ZSCAN21: variants seen among roughly 807,000 people sequenced by gnomAD.
ZSCAN21 encodes the protein zinc finger and SCAN domain-containing protein 21.
ZSCAN21 carries 26 observed loss-of-function variants against 35.6 expected under a neutral mutation model. The ratio of observed to expected loss-of-function variants is 0.73; its 90% CI spans 0.54 to 1.01. The LOEUF (loss-of-function observed/expected upper bound fraction) is 1.01, where lower values mean the gene tolerates loss of function less well. Ranked by LOEUF, ZSCAN21 falls within the 50% of genes least tolerant of loss-of-function variation. The probability of loss-of-function intolerance (pLI) is 0.00; values close to 1 mark genes in which losing one functional copy is unlikely to be tolerated. For missense variants in ZSCAN21, 593 were observed against 587.1 expected (o/e 1.01, Z -0.10); for synonymous variants, 219 against 219.3 (o/e 1.00, Z 0.01).
At chr7:100,052,368 TC>T (rs1464059746) in intron 1 of ZSCAN21, among the ~76,000 whole-genome samples, 1 of 151,952 alleles carries the variant, frequency 6.6e-6, no homozygotes, top group Non-Finnish European at 1.5e-5. Context: ...GTTCAAGACT[TC>T]CGTGAGCTGT....
rs117651991 is a variant in ZSCAN21 at position 100,060,837 on chromosome 7, C to T, written c.592+2947C>T. Reference sequence around the variant, plus strand: ...ATCGCGCCACTGCACTCCAGCCTGGCGCAACAGAGTAGGACTCCGTCAAAA... The same window carrying T: ...ATCGCGCCACTGCACTCCAGCCTGGTGCAACAGAGTAGGACTCCGTCAAAA... On this transcript the variant is annotated intron_variant, in intron 3 of 3. Transcript: ENST00000292450. Among the ~76,000 whole-genome samples the T allele has an allele frequency of 5.1e-4, 70 of 137,844 alleles. 1 individual carries two copies. The East Asian group carries it at 0.013, about 26-fold the overall frequency. 90.4% of individuals were successfully genotyped at this position (137,844 alleles called of 152,430 possible).
chr7:100,061,991 C>T (rs996594244), intron 3 of ZSCAN21, among the ~76,000 whole-genome samples: 2 of 152,154 alleles, frequency 1.3e-5, no homozygotes, highest in Non-Finnish European at 2.9e-5. Flanking sequence ...TAATAGTGAG[C>T]GTCACTTTAT....
At chr7:100,051,360 C>G (rs1584367252) in intron 1 of ZSCAN21, 1 of 115,130 alleles carries the variant, frequency 8.7e-6, no homozygotes, top group African/African-American at 3.3e-5. Flanking sequence ...GTGGCGCGAT[C>G]TCGGCTCACT....
rs1792529334 is a variant in ZSCAN21 at position 100,064,481 on chromosome 7, C to A, written c.1286C>A (p.Ser429Tyr). ...TGTGGGAAAGCCTTCAACCACAGCT[C>A]CAACTTCAATAAACACCACAGAATC... is the stretch of plus-strand genomic sequence containing the variant. Reference protein sequence around the residue: ...KECGKAFNHSSNFNKHHRIHT... With the variant: ...KECGKAFNHSYNFNKHHRIHT... Residue 429 changes from serine to tyrosine, a missense_variant, in exon 4 of 4, where the codon TCC becomes TAC. Transcript: ENST00000292450. The A allele has an allele frequency of 6.2e-7, 1 of 1,613,804 alleles. No homozygotes were observed. Among genetic ancestry groups the A allele is most frequent in the African/African-American group, 1.3e-5 (1 of 74,822 alleles).
rs553421400 is a variant in ZSCAN21 at position 100,052,800 on chromosome 7, T to G, written c.-97+2959T>G. 5.3e-5 allele frequency among the ~76,000 whole-genome samples: 8 copies of G among 152,200 alleles called. No individual in the cohort carries two copies. The East Asian group carries it at 1.2e-3, about 22-fold the overall frequency. On this transcript the variant is annotated intron_variant, in intron 1 of 3. Transcript: ENST00000292450. ...CCCGGCCCTCTACTCGTTTGTAGTC[T>G]TTATGCATTGTACATTTGAGTTGTG... is the stretch of plus-strand genomic sequence containing the variant.
intron 1 of ZSCAN21, among the ~76,000 whole-genome samples, chr7:100,051,277 A>ATTTTTTTTTTTTTTTTTTTTTTTT (rs1376849857): frequency 2.2e-5 from 1 of 45,102 alleles, no homozygotes; most frequent in Admixed American, 3.2e-4. Flanking sequence ...GGATCTAGGG[A>ATTTTTTTTTTTTTTTTTTTTTTTT]TTTTCTTTTT....
chr7:100,063,800 G>T lies in ZSCAN21; in HGVS notation c.605G>T (p.Ser202Ile), dbSNP rs766248336. Residue 202 changes from serine to isoleucine, a missense_variant, in exon 4 of 4, where the codon AGT becomes ATT. By Grantham distance (142) the Ser-to-Ile change is moderately radical. Transcript: ENST00000292450. ...CTTATTGTTTCAGATTGCAGATTGA[G>T]TACCCAGCACGAGGAATCAGCAGAT... ...DPRKVRDCRL[S>I]TQHEESADEQ... 1 of 1,607,126 alleles carries T rather than the reference G, an allele frequency of 6.2e-7. No individual in the cohort carries two copies. The highest frequency in any genetic ancestry group is 8.5e-7 in the Non-Finnish European group (1 of 1,177,516).
intron 1 of ZSCAN21, among the ~76,000 whole-genome samples, chr7:100,056,004 A>G (rs557355862): frequency 2.0e-5 from 3 of 147,434 alleles, no homozygotes; most frequent in Admixed American, 1.4e-4. Context: ...GCAGTGGCAC[A>G]ATCTCAGCTC....
At chr7:100,059,095 CTATT>C (rs1183575419) in intron 3 of ZSCAN21, among the ~76,000 whole-genome samples, 2 of 152,174 alleles carry the variant, frequency 1.3e-5, no homozygotes, top group Non-Finnish European at 2.9e-5. Flanking sequence ...GTGTAGACCA[CTATT>C]TATGTGTGTG....
chr7:100,057,471 GT>G, intron 2 of ZSCAN21, 66 bp downstream of exon 2: 1 of 1,494,046 alleles, frequency 6.7e-7, no homozygotes, highest in South Asian at 1.4e-5. Context: ...AGGAACAAGG[GT>G]TTGTCCATAC....
At chr7:100,053,080 C>T (rs375826435) in intron 1 of ZSCAN21, among the ~76,000 whole-genome samples, 5 of 148,072 alleles carry the variant, frequency 3.4e-5, no homozygotes, top group African/African-American at 1.2e-4. Context: ...GAGCCAAGAT[C>T]ATGGCACTGC....
intron 1 of ZSCAN21, among the ~76,000 whole-genome samples, chr7:100,053,558 T>TG (rs1227028321): frequency 7.0e-5 from 7 of 100,608 alleles, no homozygotes; most frequent in South Asian, 2.7e-4. Flanking sequence ...TTTTTTTTTT[T>TG]TTTTTTTTTT....
rs1442766737 is a variant in ZSCAN21 at position 100,060,477 on chromosome 7, G to A, written c.592+2587G>A. Among the ~76,000 whole-genome samples, 10 of 152,150 alleles carry A rather than the reference G, an allele frequency of 6.6e-5. No homozygotes were observed. The East Asian group carries it at 1.2e-3, about 18-fold the overall frequency. ...CTCAGGAGGCTGAGGCAGGAGAATC[G>A]CTTGAAGCCAGGAGGCGGAGATTGC... On this transcript the variant is annotated intron_variant, in intron 3 of 3. Transcript: ENST00000292450.
Position 100,063,855 on chromosome 7 carries a change from CA to C in ZSCAN21, c.663del (p.Asp223IlefsTer2). ...AGAAAGGTTCTGAAGCAGAGGGGCT[CA>C]AAGGGGATATAATTTCTGTGATTAT... ...EQKGSEAEGL[K>X]GDIISVIIAN... On this transcript the variant is annotated frameshift_variant, in exon 4 of 4. Coordinates refer to ENST00000292450, the MANE Select transcript of ZSCAN21 (RefSeq NM_145914.3). LOFTEE classifies it high-confidence loss of function. The C allele has an allele frequency of 6.2e-7, 1 of 1,614,056 alleles. No homozygotes were observed. Among genetic ancestry groups the C allele is most frequent in the South Asian group, 1.1e-5 (1 of 91,084 alleles).
rs535406369 is a variant in ZSCAN21, at chr7:100,064,754, C to T, written c.*137C>T. The T allele has an allele frequency of 1.1e-5, 18 of 1,613,802 alleles. No individual in the cohort carries two copies. In the Admixed American group the frequency reaches 1.8e-4, roughly 16 times the overall value. On this transcript the variant is annotated 3_prime_UTR_variant, in exon 4 of 4. Coordinates refer to ENST00000292450, the MANE Select transcript of ZSCAN21 (RefSeq NM_145914.3). ...AACATCAGGGGATGCCTGAGGAGTG[C>T]GAGCTCCACAGCAACATGGCAGGCA...
intron 1 of ZSCAN21, among the ~76,000 whole-genome samples, chr7:100,054,472 A>T (rs953694144): frequency 2.4e-3 from 370 of 151,402 alleles, no homozygotes; most frequent in Admixed American, 4.7e-3. Flanking sequence ...TTGGTCTCGA[A>T]CTCCTGACCT....
intron 1 of ZSCAN21, among the ~76,000 whole-genome samples, chr7:100,055,152 C>T (rs1405575666): frequency 2.0e-5 from 3 of 151,920 alleles, no homozygotes. Flanking sequence ...GACAGGGTTT[C>T]ACCATGTTGG....
rs538063525 is a variant in ZSCAN21, at chr7:100,052,017, C to A, written c.-97+2176C>A. Among the ~76,000 whole-genome samples, 202 of 152,250 alleles carry A rather than the reference C, an allele frequency of 1.3e-3. 1 individual carries two copies. Among genetic ancestry groups the A allele is most frequent in the Non-Finnish European group, 2.0e-3 (138 of 68,004 alleles). On this transcript the variant is annotated intron_variant, in intron 1 of 3. Coordinates refer to ENST00000292450, the MANE Select transcript of ZSCAN21 (RefSeq NM_145914.3). ...ACAGCCACAACTCTGCAGCCCGGAA[C>A]TCCTGAGCTCAAGTTATGCCTCAGC...
chr7:100,054,609 GCCTTAC>G, intron 1 of ZSCAN21, among the ~76,000 whole-genome samples: 1 of 151,658 alleles, frequency 6.6e-6, no homozygotes, highest in Non-Finnish European at 1.5e-5. Context: ...TTTTTTCCGT[GCCTTAC>G]AGTTTCCCTT....
Sources: gnomAD v4.1 joint callset for allele counts (sites outside exome capture counted in the v4.1 genomes callset) on GRCh38, gnomAD v4.1.1 for gene constraint, MANE v1.5 for transcripts, NCBI Gene and HGNC (gene_info 2026-07-23, HGNC 2026-07-21) for gene names.